The following WASF3 variants were observed in gnomAD, a reference collection of about 807,000 sequenced individuals.
WASF3 encodes the protein actin-binding protein WASF3.
In WASF3, 11 loss-of-function variants were observed where a neutral mutation model predicts 46.6. The observed-to-expected ratio is 0.24, with a 90% confidence interval of 0.15 to 0.39. The LOEUF (loss-of-function observed/expected upper bound fraction) is 0.39. WASF3 is among the 10% of genes least tolerant of loss of function. WASF3 has a pLI of 1.00. For synonymous variants in WASF3, 242 were observed against 259.7 expected, an observed-to-expected ratio of 0.93 and a Z score of 0.65; for missense variants, 576 against 669.8, an observed-to-expected ratio of 0.86 and a Z score of 1.55.
intron 2 of WASF3, among the ~76,000 whole-genome samples, chr13:26,633,200 CTTT>C (rs58237286): frequency 1.0e-4 from 9 of 90,436 alleles, no homozygotes; most frequent in African/African-American, 3.3e-4. Flanking sequence ...TTAGTTATTT[CTTT>C]TTTTTTTTTT....
chr13:26,553,816 CAA>C (rs35110514), upstream of WASF3, among the ~76,000 whole-genome samples: 1,546 of 131,534 alleles, frequency 0.012, 11 homozygotes, highest in Non-Finnish European at 0.017. Flanking sequence ...GACTCCATCT[CAA>C]AAAAAAAAAA....
the WASF3 span, among the ~76,000 whole-genome samples, chr13:26,541,874 C>A: frequency 6.6e-6 from 1 of 152,212 alleles, no homozygotes; most frequent in African/African-American, 2.4e-5. Flanking sequence ...AGAGGTCTCA[C>A]TTTCCTCCTA....
Position 26,589,281 on chromosome 13 carries a change from C to G in WASF3, c.-108-23680C>G, listed in dbSNP as rs138201011. On this transcript the variant is annotated intron_variant, in intron 1 of 9. Coordinates refer to ENST00000335327, the MANE Select transcript of WASF3 (RefSeq NM_006646.6). ...GTTCTATCAGACATGAAGTTTAGCA[C>G]TAAAAATGGTTCCTCTCAGAACTGG... 9.5e-4 allele frequency among the ~76,000 whole-genome samples: 145 copies of G among 152,256 alleles called. 1 individual carries two copies. The highest frequency in any genetic ancestry group is 3.4e-3 in the African/African-American group (141 of 41,550).
intron 2 of WASF3, among the ~76,000 whole-genome samples, chr13:26,616,354 G>A (rs143581360): frequency 4.2e-4 from 64 of 152,194 alleles, no homozygotes; most frequent in Non-Finnish European, 6.8e-4. Context: ...TCTCCTTAAT[G>A]ACTAATGCTG....
At chr13:26,547,069 G>C in the WASF3 span, among the ~76,000 whole-genome samples, 1 of 150,820 alleles carries the variant, frequency 6.6e-6, no homozygotes, top group South Asian at 2.1e-4. Context: ...ACCTAGATTC[G>C]TTTTATTTAA....
At chr13:26,675,484 AC>A (rs1883038837) in intron 6 of WASF3, among the ~76,000 whole-genome samples, 1 of 1,960 alleles carries the variant, frequency 5.1e-4, no homozygotes, top group African/African-American at 5.8e-4. Context: ...ACACACATAC[AC>A]ACACACACAC....
intron 3 of WASF3, among the ~76,000 whole-genome samples, chr13:26,652,824 TAAAG>T (rs1226485304): frequency 6.6e-6 from 1 of 152,154 alleles, no homozygotes; most frequent in African/African-American, 2.4e-5. Flanking sequence ...GGGATTTTGT[TAAAG>T]AAGTGTATAG....
At chr13:26,545,340 T>G in the WASF3 span, among the ~76,000 whole-genome samples, 2 of 152,230 alleles carry the variant, frequency 1.3e-5, no homozygotes, top group Non-Finnish European at 2.9e-5. Context: ...ATTTTCAGAA[T>G]GCTTAGATTT....
At chr13:26,559,337 T>C (rs1334018578) in intron 1 of WASF3, among the ~76,000 whole-genome samples, 2 of 152,282 alleles carry the variant, frequency 1.3e-5, no homozygotes, top group Non-Finnish European at 2.9e-5. Flanking sequence ...TATGTACATA[T>C]AGAAATTGTT....
intron 1 of WASF3, among the ~76,000 whole-genome samples, chr13:26,567,816 CGT>C (rs889122693): frequency 4.0e-5 from 6 of 151,148 alleles, no homozygotes; most frequent in South Asian, 2.1e-4. Context: ...TGTATATATA[CGT>C]GTGTGTGTAT....
intron 3 of WASF3, among the ~76,000 whole-genome samples, chr13:26,650,793 A>G (rs1166208765): frequency 1.3e-5 from 2 of 152,210 alleles, no homozygotes; most frequent in African/African-American, 4.8e-5. Flanking sequence ...TGATTGGTGA[A>G]CTTGGAAATA....
chr13:26,649,124 T>A (rs1215777017), intron 3 of WASF3, among the ~76,000 whole-genome samples: 1 of 152,240 alleles, frequency 6.6e-6, no homozygotes, highest in African/African-American at 2.4e-5. Flanking sequence ...CATATAATTT[T>A]ATCTCATATC....
At chr13:26,566,839 T>G (rs1879480521) in intron 1 of WASF3, among the ~76,000 whole-genome samples, 2 of 152,232 alleles carry the variant, frequency 1.3e-5, no homozygotes, top group African/African-American at 4.8e-5. Context: ...ACTGGTAGCA[T>G]AACTAGTCTC....
At chr13:26,594,980 C>G (rs955074154) in intron 1 of WASF3, among the ~76,000 whole-genome samples, 2 of 152,218 alleles carry the variant, frequency 1.3e-5, no homozygotes, top group Admixed American at 1.3e-4. Flanking sequence ...ACTTCCTTTT[C>G]TGTATAACCA....
chr13:26,677,758 G>A (rs998083289), intron 7 of WASF3, among the ~76,000 whole-genome samples: 16 of 152,166 alleles, frequency 1.1e-4, no homozygotes, highest in Non-Finnish European at 1.9e-4. Context: ...TATTTCTATA[G>A]AAAGTAGGAA....
intron 3 of WASF3, among the ~76,000 whole-genome samples, chr13:26,660,229 T>C (rs1472372032): frequency 6.1e-4 from 19 of 30,932 alleles, no homozygotes; most frequent in African/African-American, 1.2e-3. Flanking sequence ...TTTTTTTTTT[T>C]AGCAAAAAGA....
In WASF3 at chr13:26,560,755, G is replaced by A. The variant is rs1879270690; in HGVS notation, c.-109+2936G>A. On this transcript the variant is annotated intron_variant, in intron 1 of 9. Transcript: ENST00000335327. Reference sequence around the variant, plus strand: ...ACTTCAGAGTTTTAATATGTGCCGGGGATACAGAGATAAACAAGACAGATA... The same window carrying A: ...ACTTCAGAGTTTTAATATGTGCCGGAGATACAGAGATAAACAAGACAGATA... 2.0e-5 allele frequency among the ~76,000 whole-genome samples: 3 copies of A among 152,138 alleles called. No individual in the cohort carries two copies. The South Asian group carries it at 6.2e-4, about 32-fold the overall frequency.
intron 3 of WASF3, among the ~76,000 whole-genome samples, chr13:26,661,256 C>T (rs1229413189): frequency 1.3e-5 from 2 of 152,200 alleles, no homozygotes; most frequent in Non-Finnish European, 2.9e-5. Context: ...CAAAACTCTG[C>T]GCTCGTTACA....
At chr13:26,576,175 C>T (rs1879789906) in intron 1 of WASF3, among the ~76,000 whole-genome samples, 1 of 151,964 alleles carries the variant, frequency 6.6e-6, no homozygotes. Context: ...ATTTCACTTT[C>T]TTATGGTTGT....
Sources: allele counts gnomAD v4.1 joint callset (sites outside exome capture counted in the v4.1 genomes callset), GRCh38; gene constraint gnomAD v4.1.1; transcripts MANE v1.5; gene names NCBI Gene and HGNC (gene_info 2026-07-23, HGNC 2026-07-21).